The following MGME1 variants were observed in gnomAD, a reference collection of about 807,000 sequenced individuals.
MGME1 encodes the protein chromosome 20 open reading frame 72.
Under a neutral mutation model 33.0 loss-of-function variants are expected in MGME1, and 22 were observed. The observed-to-expected ratio is 0.67, with a 90% confidence interval of 0.48 to 0.95. The LOEUF (loss-of-function observed/expected upper bound fraction) is 0.95. MGME1 is among the 40% of genes least tolerant of loss of function. MGME1 has a pLI of 0.00. For missense variants in MGME1, 383 were observed against 397.8 expected, an observed-to-expected ratio of 0.96 and a Z score of 0.32; for synonymous variants, 133 against 144.0, an observed-to-expected ratio of 0.92 and a Z score of 0.55.
intron 2 of MGME1, among the ~76,000 whole-genome samples, chr20:17,972,287 A>G (rs2035751240): frequency 6.6e-6 from 1 of 152,218 alleles, no homozygotes; most frequent in Non-Finnish European, 1.5e-5. Flanking sequence ...GTGAGAGCAT[A>G]GAAATGTGTC....
intron 2 of MGME1, 71 bp from the exon 3 acceptor site, chr20:17,975,613 A>C: frequency 9.6e-7 from 1 of 1,047,044 alleles, no homozygotes. Flanking sequence ...AGGGCGTTTT[A>C]GAGTATTTGT....
intron 3 of MGME1, among the ~76,000 whole-genome samples, chr20:17,983,060 C>A (rs771058419): frequency 7.9e-5 from 12 of 152,144 alleles, no homozygotes; most frequent in Non-Finnish European, 1.3e-4. Context: ...CTTTCCTCTT[C>A]CCCACTCTCC....
intron 2 of MGME1, among the ~76,000 whole-genome samples, chr20:17,971,811 G>A (rs1312932769): frequency 4.0e-5 from 6 of 151,810 alleles, no homozygotes; most frequent in African/African-American, 1.2e-4. Context: ...CCAGCACCCC[G>A]CCCAGACTTG....
At chr20:17,971,191 C>T (rs2035719968) in intron 2 of MGME1, among the ~76,000 whole-genome samples, 1 of 152,178 alleles carries the variant, frequency 6.6e-6, no homozygotes, top group Non-Finnish European at 1.5e-5. Context: ...TTCCCTAATC[C>T]AGACTCCTAA....
In MGME1 at chr20:17,969,990, A is replaced by T. The variant is rs767443760; in HGVS notation, c.131A>T (p.Tyr44Phe). ...GGCCGGAAGAAAAAAGTGAACCCAT[A>T]TGAAGAAGTGGACCAAGAAAAATAC... ...SCGRKKKVNP[Y>F]EEVDQEKYSN... Residue 44 changes from tyrosine (Y) to phenylalanine (F), a missense_variant, in exon 2 of 5, where the codon TAT (tyrosine) becomes TTT (phenylalanine). Transcript: ENST00000377710. The T allele has an allele frequency of 6.2e-7, 1 of 1,614,032 alleles. No individual in the cohort carries two copies. The highest frequency in any genetic ancestry group is 2.2e-5 in the East Asian group (1 of 44,900).
At chr20:17,968,704 G>C, upstream of MGME1, 1 of 496,826 alleles carries the variant, frequency 2.0e-6, no homozygotes, top group South Asian at 2.1e-5. Context: ...GCCTACCCTT[G>C]CTCCGCTCCA....
chr20:17,982,220 A>G (rs1168158700), intron 3 of MGME1, among the ~76,000 whole-genome samples: 1 of 152,212 alleles, frequency 6.6e-6, no homozygotes, highest in Non-Finnish European at 1.5e-5. Context: ...TCCTGGGTTC[A>G]AGCGATTCTC....
chr20:17,975,576 A>T lies in MGME1; in HGVS notation c.512-108A>T. On this transcript the variant is annotated intron_variant, in intron 2 of 4. Coordinates refer to ENST00000377710, the MANE Select transcript of MGME1 (RefSeq NM_052865.4). ...ATCCAAAAAAAAAAAAAAGAAAAAA[A>T]AATGTCATTTTTAATTGTATTGTTT... 3 of 856,692 alleles carry T rather than the reference A, an allele frequency of 3.5e-6. 1 individual carries two copies. The highest frequency in any genetic ancestry group is 5.4e-6 in the Non-Finnish European group (3 of 557,916). 53.1% of individuals were successfully genotyped at this position (856,692 alleles called of 1,614,324 possible).
chr20:17,988,352 T>A, intron 4 of MGME1, 54 bp downstream of exon 4: 1 of 1,584,150 alleles, frequency 6.3e-7, no homozygotes, highest in South Asian at 1.2e-5. Flanking sequence ...CTTAAAACTA[T>A]AACTCCGGGC....
intron 3 of MGME1, among the ~76,000 whole-genome samples, chr20:17,981,980 A>G (rs932216126): frequency 5.3e-5 from 8 of 151,744 alleles, no homozygotes; most frequent in Non-Finnish European, 1.0e-4. Context: ...CGTTTTTTGT[A>G]TTCTTTTGTA....
chr20:17,975,959 A>G (rs1274662996), intron 3 of MGME1, 56 bp downstream of exon 3: 1 of 1,374,878 alleles, frequency 7.3e-7, no homozygotes, highest in Non-Finnish European at 1.0e-6. Context: ...GTGCCTGTCA[A>G]AGGTGTGCCT....
intron 3 of MGME1, 107 bp from the exon 4 acceptor site, chr20:17,988,059 G>T: frequency 9.0e-7 from 1 of 1,113,190 alleles, no homozygotes; most frequent in South Asian, 1.7e-5. Context: ...TAAGAGCAAT[G>T]GTCATTGGCT....
chr20:17,980,531 T>A (rs1340113658), intron 3 of MGME1, among the ~76,000 whole-genome samples: 1 of 151,386 alleles, frequency 6.6e-6, no homozygotes. Context: ...AAAATCAGGC[T>A]GGGCGCAGTG....
intron 2 of MGME1, among the ~76,000 whole-genome samples, chr20:17,974,430 G>A (rs2035808789): frequency 6.6e-6 from 1 of 152,120 alleles, no homozygotes; most frequent in Admixed American, 6.6e-5. Flanking sequence ...AGGCCAACGA[G>A]CACTGAAAAT....
rs530099517 is a variant in MGME1 at position 17,990,566 on chromosome 20, C to T, written c.*457C>T. 5.7e-6 allele frequency: 1 copy of T among 176,348 alleles called. No homozygotes were observed. The highest frequency in any genetic ancestry group is 1.5e-4 in the East Asian group (1 of 6,716). 10.9% of individuals were successfully genotyped at this position (176,348 alleles called of 1,614,324 possible). ...TGTGCAGGGAGGACACATCAGCCCA[C>T]TACCGCTGCCAACACCAATGCCTAA... On this transcript the variant is annotated 3_prime_UTR_variant, in exon 5 of 5. Transcript: ENST00000377710.
intron 4 of MGME1, among the ~76,000 whole-genome samples, chr20:17,988,680 G>T (rs533872391): frequency 2.7e-5 from 4 of 149,534 alleles, no homozygotes; most frequent in East Asian, 4.0e-4. Context: ...CTTCTCAGTG[G>T]GGGGGTAGGA....
In MGME1 at chr20:17,970,102, C is replaced by T. The variant is rs751168268; in HGVS notation, c.243C>T (p.Pro81=). ...AGGAAGATGCTTTGCTCTGTGGACC[C>T]GTGAGCAAGCATAAGCTGCCAAACC... ...SVEEDALLCG[P]VSKHKLPNQG... is the part of the protein sequence containing the mutation. Residue 81 remains proline, a synonymous_variant, in exon 2 of 5, where the codon CCC becomes CCT. Transcript: ENST00000377710. 6.2e-7 allele frequency: 1 copy of T among 1,614,208 alleles called. No homozygotes were observed. The highest frequency in any genetic ancestry group is 8.5e-7 in the Non-Finnish European group (1 of 1,180,044).
At chr20:17,972,132 C>T (rs1402422753) in intron 2 of MGME1, among the ~76,000 whole-genome samples, 1 of 152,084 alleles carries the variant, frequency 6.6e-6, no homozygotes, top group East Asian at 1.9e-4. Context: ...AGAAAAAGGG[C>T]TCACTAAATT....
chr20:17,970,875 A>G (rs2035710748), intron 2 of MGME1, among the ~76,000 whole-genome samples: 1 of 152,236 alleles, frequency 6.6e-6, no homozygotes, highest in Non-Finnish European at 1.5e-5. Flanking sequence ...CTTCATAAGG[A>G]TCTGAGGATA....
Sources: gnomAD v4.1 joint callset for allele counts (sites outside exome capture counted in the v4.1 genomes callset) on GRCh38, gnomAD v4.1.1 for gene constraint, MANE v1.5 for transcripts, NCBI Gene and HGNC (gene_info 2026-07-23, HGNC 2026-07-21) for gene names.